Variants in CALN1 observed in about 807,000 individuals in gnomAD.
CALN1 encodes calcium-binding protein 8.
In CALN1, 17 loss-of-function variants were observed where a neutral mutation model predicts 30.6. The observed-to-expected ratio is 0.56, with a 90% CI of 0.38 to 0.83. The LOEUF (loss-of-function observed/expected upper bound fraction) is 0.83, where lower values mean the gene tolerates loss of function less well. CALN1 is among the 40% of genes least tolerant of loss of function. CALN1 has a pLI of 0.00. For missense variants in CALN1, 291 were observed against 354.9 expected, an observed-to-expected ratio of 0.82 and a Z score of 1.45; for synonymous variants, 156 against 131.4, an observed-to-expected ratio of 1.19 and a Z score of -1.28.
intron 2 of CALN1, among the ~76,000 whole-genome samples, chr7:72,375,824 G>C (rs1450293268): frequency 2.0e-5 from 3 of 151,990 alleles, no homozygotes; most frequent in Non-Finnish European, 4.4e-5. Context: ...ATAATTGTTT[G>C]TTAGTATATT....
At chr7:71,830,225 T>C (rs1789184748) in intron 5 of CALN1, among the ~76,000 whole-genome samples, 1 of 152,018 alleles carries the variant, frequency 6.6e-6, no homozygotes, top group Non-Finnish European at 1.5e-5. Context: ...GCATTTTTAG[T>C]AGAGATGGGT....
intron 2 of CALN1, among the ~76,000 whole-genome samples, chr7:72,367,151 G>C (rs969836232): frequency 2.0e-5 from 3 of 152,048 alleles, no homozygotes; most frequent in African/African-American, 4.8e-5. Flanking sequence ...TTAGAAGTCA[G>C]AATACTAGTT....
chr7:72,326,947 A>G lies in CALN1; in HGVS notation c.120-48137T>C, dbSNP rs182850427. 5.9e-5 allele frequency among the ~76,000 whole-genome samples: 9 copies of G among 152,278 alleles called. No individual in the cohort carries two copies. In the East Asian group the frequency reaches 1.5e-3, roughly 26 times the overall value. On this transcript the variant is annotated intron_variant, in intron 2 of 6. Transcript: ENST00000395275. ...CCATGGTTCTATTACTTTGCAGTCAATGTCTTCTAAACACATATTCATTCT... is the reference window on the plus strand; with the variant it reads ...CCATGGTTCTATTACTTTGCAGTCAGTGTCTTCTAAACACATATTCATTCT...
chr7:71,953,638 G>A (rs1796810864), intron 5 of CALN1, among the ~76,000 whole-genome samples: 1 of 152,078 alleles, frequency 6.6e-6, no homozygotes, highest in South Asian at 2.1e-4. Flanking sequence ...GTGTAAAAGT[G>A]TTTTGAATAA....
chr7:71,839,298 G>T (rs1789797982), intron 5 of CALN1, among the ~76,000 whole-genome samples: 1 of 152,138 alleles, frequency 6.6e-6, no homozygotes, highest in Non-Finnish European at 1.5e-5. Context: ...TTTGGGAGTT[G>T]AGGCAGGCAC....
chr7:72,276,863 G>A (rs1797367100), intron 3 of CALN1, among the ~76,000 whole-genome samples: 1 of 152,096 alleles, frequency 6.6e-6, no homozygotes, highest in Non-Finnish European at 1.5e-5. Flanking sequence ...GCAACACAAA[G>A]CAGACTAAGA....
intron 5 of CALN1, among the ~76,000 whole-genome samples, chr7:71,979,869 CTTTTTTTTTTTTT>C (rs555621436): frequency 4.5e-5 from 4 of 89,692 alleles, no homozygotes; most frequent in Admixed American, 2.5e-4. Flanking sequence ...CATCAGGATT[CTTTTTTTTTTTTT>C]TTTTTTTTTT....
intron 2 of CALN1, among the ~76,000 whole-genome samples, chr7:72,402,102 T>C (rs1806380733): frequency 6.6e-6 from 1 of 152,194 alleles, no homozygotes; most frequent in Non-Finnish European, 1.5e-5. Context: ...CTTCAGCATT[T>C]GTCATTTCCA....
At chr7:72,361,159 C>T (rs1287600016) in intron 2 of CALN1, among the ~76,000 whole-genome samples, 2 of 152,114 alleles carry the variant, frequency 1.3e-5, no homozygotes, top group Admixed American at 6.6e-5. Context: ...TATTCATGCA[C>T]AAATCAAGAT....
intron 2 of CALN1, among the ~76,000 whole-genome samples, chr7:72,370,391 T>C (rs371474298): frequency 2.0e-5 from 3 of 152,294 alleles, no homozygotes; most frequent in East Asian, 3.9e-4. Context: ...ATAAGTCCTT[T>C]ATAAGACATG....
At chr7:72,110,280 C>T (rs1213595841) in intron 3 of CALN1, among the ~76,000 whole-genome samples, 3 of 152,270 alleles carry the variant, frequency 2.0e-5, no homozygotes, top group Non-Finnish European at 4.4e-5. Context: ...AAATGAGGAC[C>T]CGGACAGCTG....
chr7:72,090,594 C>T (rs954762707), intron 4 of CALN1, among the ~76,000 whole-genome samples: 5 of 152,076 alleles, frequency 3.3e-5, no homozygotes, highest in African/African-American at 1.2e-4. Context: ...ACAACAAAAA[C>T]CCACAAAAAC....
intron 2 of CALN1, among the ~76,000 whole-genome samples, chr7:72,323,666 A>AT (rs907907987): frequency 3.3e-5 from 5 of 150,750 alleles, no homozygotes; most frequent in African/African-American, 9.8e-5. Context: ...CATCTCAAAA[A>AT]AAAAAAAATA....
At chr7:72,023,595 A>G (rs1800855808) in intron 5 of CALN1, 62 bp downstream of exon 5, 1 of 1,257,612 alleles carries the variant, frequency 8.0e-7, no homozygotes, top group Non-Finnish European at 1.2e-6. Context: ...GAATTCAGTC[A>G]AAAGTTAGTC....
At chr7:72,042,742 A>G (rs1802209039) in intron 4 of CALN1, among the ~76,000 whole-genome samples, 1 of 152,190 alleles carries the variant, frequency 6.6e-6, no homozygotes, top group African/African-American at 2.4e-5. Flanking sequence ...CCACTTAAAA[A>G]TAAATAAATA....
chr7:72,404,802 G>A (rs1165176130), intron 1 of CALN1, among the ~76,000 whole-genome samples: 2 of 152,192 alleles, frequency 1.3e-5, no homozygotes, highest in Non-Finnish European at 2.9e-5. Flanking sequence ...GCTGTATGTG[G>A]ATGGTGGACA....
intron 4 of CALN1, among the ~76,000 whole-genome samples, chr7:72,075,945 C>A (rs572667510): frequency 6.6e-6 from 1 of 152,232 alleles, no homozygotes; most frequent in South Asian, 2.1e-4. Context: ...GGCATAGGCA[C>A]TCATGGGCAT....
intron 3 of CALN1, among the ~76,000 whole-genome samples, chr7:72,122,978 C>A (rs1291176073): frequency 6.6e-6 from 1 of 152,152 alleles, no homozygotes; most frequent in East Asian, 1.9e-4. Context: ...GCTATAGAGA[C>A]CACGGCAATG....
intron 2 of CALN1, among the ~76,000 whole-genome samples, chr7:72,340,671 A>G (rs1029865317): frequency 6.6e-6 from 1 of 152,214 alleles, no homozygotes; most frequent in African/African-American, 2.4e-5. Flanking sequence ...TACCTAGTTC[A>G]GAGATGCGCA....
Sources: gnomAD v4.1 joint callset for allele counts (sites outside exome capture counted in the v4.1 genomes callset) on GRCh38, gnomAD v4.1.1 for gene constraint, MANE v1.5 for transcripts, NCBI Gene and HGNC (gene_info 2026-07-23, HGNC 2026-07-21) for gene names.